The following PLCL2 variants were observed in gnomAD, a reference collection of about 807,000 sequenced individuals.
The protein encoded by PLCL2 is phospholipase C like 2, also known as inactive phospholipase C-like protein 2.
A neutral mutation model predicts 79.6 loss-of-function variants in PLCL2; 4 were observed. That is an observed-to-expected ratio of 0.05 (90% confidence interval 0.02 to 0.11). The LOEUF (loss-of-function observed/expected upper bound fraction) is 0.11. Ranked by LOEUF, PLCL2 falls within the 10% of genes least tolerant of loss-of-function variation. The probability of loss-of-function intolerance (pLI) is 1.00; values close to 1 mark genes in which losing one functional copy is unlikely to be tolerated. For synonymous variants in PLCL2, 484 were observed against 457.7 expected, an observed-to-expected ratio of 1.06 and a Z score of -0.73; for missense variants, 895 against 1,291.0, an observed-to-expected ratio of 0.69 and a Z score of 4.70.
chr3:16,972,665 C>G (rs1337515503), intron 1 of PLCL2, among the ~76,000 whole-genome samples: 1 of 152,150 alleles, frequency 6.6e-6, no homozygotes, highest in African/African-American at 2.4e-5. Flanking sequence ...CTTTATGAAT[C>G]TGGGCGCTCC....
intron 1 of PLCL2, among the ~76,000 whole-genome samples, chr3:16,906,099 G>T (rs1343921575): frequency 6.6e-6 from 1 of 151,928 alleles, no homozygotes; most frequent in Non-Finnish European, 1.5e-5. Context: ...TTTTATGACT[G>T]TGTTGGTCAG....
At chr3:17,052,795 AATAC>A (rs1240101334) in intron 4 of PLCL2, among the ~76,000 whole-genome samples, 6 of 152,050 alleles carry the variant, frequency 3.9e-5, no homozygotes, top group Admixed American at 2.0e-4. Flanking sequence ...ATAAATAGTA[AATAC>A]ATTTTCTCTT....
chr3:17,067,368 C>G (rs1033023251), intron 4 of PLCL2, among the ~76,000 whole-genome samples: 1 of 152,142 alleles, frequency 6.6e-6, no homozygotes, highest in Non-Finnish European at 1.5e-5. Flanking sequence ...ATCTACAGAT[C>G]TTGCAGAAAT....
At position 17,010,345 on chromosome 3, in the gene PLCL2, G is replaced by T; in HGVS notation, c.999G>T (p.Glu333Asp). 1 of 1,613,990 alleles carries T rather than the reference G, an allele frequency of 6.2e-7. No individual in the cohort carries two copies. The highest frequency in any genetic ancestry group is 8.5e-7 in the Non-Finnish European group (1 of 1,179,992). Reference protein sequence around the residue: ...GTEVTKEEFIEVFHELCTRPE... With the variant: ...GTEVTKEEFIDVFHELCTRPE... ...AGGTCACAAAGGAAGAATTTATTGA[G>T]GTTTTTCATGAGCTTTGTACTAGAC... is the stretch of plus-strand genomic sequence containing the variant. Residue 333 changes from glutamate to aspartate, a missense_variant, in exon 2 of 6, where the codon GAG becomes GAT. This residue lies in a region of PLCL2 where 93 missense variants were observed against 93.2 expected (regional missense o/e 1.00). Coordinates refer to ENST00000615277, the MANE Select transcript of PLCL2 (RefSeq NM_001144382.2). The surrounding 1 kb of genome is among the most constrained non-coding windows in gnomAD (Gnocchi z 5.8).
rs35421244 is a variant in PLCL2 at position 16,952,360 on chromosome 3, C to CAAAAAAAAAAAAAAAAAAAAA, written c.328-57303_328-57283dup. Among the ~76,000 whole-genome samples the CAAAAAAAAAAAAAAAAAAAAA allele has an allele frequency of 7.1e-4, 16 of 22,626 alleles. 4 individuals carry two copies. The highest frequency in any genetic ancestry group is 8.8e-4 in the Non-Finnish European group (12 of 13,628). 14.8% of individuals were successfully genotyped at this position (22,626 alleles called of 152,430 possible). The stretch of plus-strand genomic sequence containing the variant: ...TGCACATGTATCCCAGAACTTAAAG[C>CAAAAAAAAAAAAAAAAAAAAA]AAAAAAAAAAAAAAAAAAAAAAAAA... On this transcript the variant is annotated intron_variant, in intron 1 of 5. Transcript: ENST00000615277.
intron 5 of PLCL2, among the ~76,000 whole-genome samples, chr3:17,082,139 G>GT (rs58877063): frequency 0.19 from 19,138 of 101,192 alleles, 2,467 homozygotes; most frequent in African/African-American, 0.29. Flanking sequence ...CTCTTTCAGA[G>GT]TTTTTTTTTT....
intron 1 of PLCL2, among the ~76,000 whole-genome samples, chr3:16,938,849 C>A (rs972959539): frequency 7.9e-5 from 12 of 152,150 alleles, no homozygotes; most frequent in Non-Finnish European, 1.8e-4. Flanking sequence ...ACAGAGATAG[C>A]TAACACTGTT....
At chr3:17,079,552 G>A (rs1242310143) in intron 5 of PLCL2, among the ~76,000 whole-genome samples, 1 of 152,184 alleles carries the variant, frequency 6.6e-6, no homozygotes, top group Non-Finnish European at 1.5e-5. Context: ...TGGAGTCACG[G>A]TCACTCCTCT....
At chr3:16,928,020 A>G (rs1697298354) in intron 1 of PLCL2, among the ~76,000 whole-genome samples, 1 of 152,148 alleles carries the variant, frequency 6.6e-6, no homozygotes, top group Admixed American at 6.5e-5. Context: ...CTGTGCTCCA[A>G]CTCTCATTTT....
chr3:16,929,408 C>A (rs1575534533), intron 1 of PLCL2, among the ~76,000 whole-genome samples: 1 of 152,072 alleles, frequency 6.6e-6, no homozygotes, highest in Non-Finnish European at 1.5e-5. Context: ...TCTGGGAAGG[C>A]GGGCAGGAAT....
chr3:16,942,869 A>G (rs1466493776), intron 1 of PLCL2, among the ~76,000 whole-genome samples: 2 of 152,240 alleles, frequency 1.3e-5, no homozygotes, highest in Admixed American at 6.5e-5. Context: ...TTTTAGTGTC[A>G]TAGACCACGT....
intron 5 of PLCL2, among the ~76,000 whole-genome samples, chr3:17,083,852 A>C (rs1373823909): frequency 1.3e-5 from 2 of 152,180 alleles, no homozygotes; most frequent in African/African-American, 4.8e-5. Flanking sequence ...TAGTAGCAGG[A>C]TATCAGAAAC....
chr3:16,962,767 T>C (rs969991064), intron 1 of PLCL2, among the ~76,000 whole-genome samples: 2 of 152,142 alleles, frequency 1.3e-5, no homozygotes, highest in Non-Finnish European at 2.9e-5. Context: ...AATAAAAGAT[T>C]TGGAAAAAAA....
At chr3:17,057,900 TTACTC>T (rs1449082443) in intron 4 of PLCL2, among the ~76,000 whole-genome samples, 1 of 152,172 alleles carries the variant, frequency 6.6e-6, no homozygotes, top group Non-Finnish European at 1.5e-5. Flanking sequence ...AAACGAGCTC[TTACTC>T]TCCGTCTGAC....
intron 5 of PLCL2, among the ~76,000 whole-genome samples, chr3:17,075,801 T>A (rs2065103868): frequency 6.6e-6 from 1 of 152,264 alleles, no homozygotes; most frequent in African/African-American, 2.4e-5. Context: ...CTGGCTTATT[T>A]CATGTAGCAT....
chr3:17,011,804 A>G lies in PLCL2; in HGVS notation c.2458A>G (p.Asn820Asp). The G allele has an allele frequency of 6.2e-7, 1 of 1,614,220 alleles. No individual in the cohort carries two copies. The highest frequency in any genetic ancestry group is 8.5e-7 in the Non-Finnish European group (1 of 1,180,032). The stretch of plus-strand genomic sequence containing the variant: ...TGATGAAAGCTTTGAATTTCAAATC[A>G]ACCTGCCTGAACTGGCCATGGTGCG... ...IFDESFEFQI[N>D]LPELAMVRFV... is the part of the protein sequence containing the mutation. The change falls in exon 2 of 6, where the codon AAC (asparagine) becomes GAC (aspartate). Residue 820 changes from asparagine (N) to aspartate (D), a missense_variant. By Grantham distance (23) the Asn-to-Asp change is conservative. Around this residue, in one of 6 missense-constraint regions of PLCL2, gnomAD observed 298 missense variants for 459.6 expected, o/e 0.65. Transcript: ENST00000615277. The surrounding 1 kb of genome is among the most constrained non-coding windows in gnomAD (Gnocchi z 7.9).
At chr3:16,901,728 A>T (rs935964624) in intron 1 of PLCL2, among the ~76,000 whole-genome samples, 1 of 152,272 alleles carries the variant, frequency 6.6e-6, no homozygotes, top group East Asian at 1.9e-4. Flanking sequence ...CTCACGTTCT[A>T]AAAAACAAGA....
chr3:17,030,588 G>A (rs1430716521), intron 3 of PLCL2, among the ~76,000 whole-genome samples: 2 of 152,208 alleles, frequency 1.3e-5, no homozygotes, highest in African/African-American at 4.8e-5. Flanking sequence ...TCTGAAAGGG[G>A]AAGATACCAG....
chr3:17,038,100 C>G (rs2064676589), intron 3 of PLCL2, among the ~76,000 whole-genome samples: 6 of 152,064 alleles, frequency 3.9e-5, no homozygotes, highest in Admixed American at 3.9e-4. Flanking sequence ...AAATTTCCTG[C>G]TTTTCATCTG....
Sources: allele counts gnomAD v4.1 joint callset (sites outside exome capture counted in the v4.1 genomes callset), GRCh38; gene constraint gnomAD v4.1.1; regional missense constraint gnomAD v4.1.1; non-coding constraint Gnocchi (gnomAD v3.1); transcripts MANE v1.5; gene names NCBI Gene and HGNC (gene_info 2026-07-23, HGNC 2026-07-21).